Variants in NKAIN2 observed in about 807,000 individuals in gnomAD.
NKAIN2 encodes the protein sodium/potassium-transporting ATPase subunit beta-1-interacting protein 2.
Under a neutral mutation model 32.6 loss-of-function variants are expected in NKAIN2, and 14 were observed. The observed-to-expected ratio is 0.43, with a 90% confidence interval of 0.28 to 0.67. NKAIN2 has a LOEUF of 0.67. NKAIN2 is among the 30% of genes least tolerant of loss of function. NKAIN2 has a pLI of 0.17. For missense variants in NKAIN2, 198 were observed against 258.3 expected (o/e 0.77, Z 1.60); for synonymous variants, 80 against 87.2 (o/e 0.92, Z 0.46).
Position 124,822,132 on chromosome 6 carries a change from C to T in NKAIN2, c.618-1088C>T, listed in dbSNP as rs771597674. Among the ~76,000 whole-genome samples, 99 of 152,090 alleles carry T rather than the reference C, an allele frequency of 6.5e-4. 2 individuals carry two copies. Among genetic ancestry groups the T allele is most frequent in the Non-Finnish European group, 1.2e-3 (83 of 68,016 alleles). On this transcript the variant is annotated intron_variant, in intron 6 of 6. Transcript: ENST00000368417. ...TTTATTTCTTTTTTATTTTACATTA[C>T]GCACTGTTAAATGAAGGGCCTTTTC...
chr6:123,943,988 A>G (rs943701646), intron 1 of NKAIN2, among the ~76,000 whole-genome samples: 1 of 152,022 alleles, frequency 6.6e-6, no homozygotes, highest in Non-Finnish European at 1.5e-5. Flanking sequence ...GAAATTTTAG[A>G]TAAATATTAT....
intron 1 of NKAIN2, among the ~76,000 whole-genome samples, chr6:124,165,416 T>C (rs908642169): frequency 9.2e-5 from 14 of 152,044 alleles, no homozygotes; most frequent in Non-Finnish European, 1.8e-4. Flanking sequence ...TTCAATTTCC[T>C]TTTTTGCTAT....
At chr6:124,411,925 T>C (rs1774205537) in intron 3 of NKAIN2, among the ~76,000 whole-genome samples, 1 of 152,200 alleles carries the variant, frequency 6.6e-6, no homozygotes, top group South Asian at 2.1e-4. Flanking sequence ...CTTCATTTCA[T>C]TCATTTTGTC....
At chr6:124,747,548 G>A (rs1777501511) in intron 4 of NKAIN2, among the ~76,000 whole-genome samples, 1 of 151,894 alleles carries the variant, frequency 6.6e-6, no homozygotes, top group South Asian at 2.1e-4. Context: ...AGCCAGAGCT[G>A]TAAACGTGCC....
intron 1 of NKAIN2, among the ~76,000 whole-genome samples, chr6:124,038,164 A>G (rs1168355611): frequency 6.6e-6 from 1 of 152,152 alleles, no homozygotes; most frequent in African/African-American, 2.4e-5. Flanking sequence ...CATGACCACA[A>G]AATTCACACT....
chr6:124,558,531 G>A (rs1257266928), intron 3 of NKAIN2, among the ~76,000 whole-genome samples: 1 of 152,108 alleles, frequency 6.6e-6, no homozygotes, highest in Non-Finnish European at 1.5e-5. Flanking sequence ...TAACACTCCT[G>A]GCCATTTGTA....
intron 3 of NKAIN2, among the ~76,000 whole-genome samples, chr6:124,604,245 C>A (rs1008141275): frequency 1.3e-5 from 2 of 151,954 alleles, no homozygotes; most frequent in African/African-American, 2.4e-5. Flanking sequence ...ATACACACTA[C>A]ATTTTAAATT....
At chr6:124,585,116 C>T (rs986782479) in intron 3 of NKAIN2, among the ~76,000 whole-genome samples, 3 of 152,158 alleles carry the variant, frequency 2.0e-5, no homozygotes, top group Non-Finnish European at 4.4e-5. Flanking sequence ...CGATGGAGTA[C>T]TGTTCAGCCA....
chr6:124,794,498 C>G (rs759094690), intron 5 of NKAIN2, among the ~76,000 whole-genome samples: 2 of 152,154 alleles, frequency 1.3e-5, no homozygotes, highest in Admixed American at 6.5e-5. Context: ...TTATGTGTAT[C>G]TTGACCACAC....
At chr6:124,332,404 TA>T (rs1797701189) in intron 2 of NKAIN2, among the ~76,000 whole-genome samples, 2 of 152,074 alleles carry the variant, frequency 1.3e-5, no homozygotes, top group Non-Finnish European at 2.9e-5. Flanking sequence ...ATTCAAAGAG[TA>T]TTTTAGTACT....
chr6:124,156,571 T>G (rs1409876305), intron 1 of NKAIN2, among the ~76,000 whole-genome samples: 3 of 151,550 alleles, frequency 2.0e-5, no homozygotes, highest in Non-Finnish European at 2.9e-5. Context: ...AAACATAGAG[T>G]GGGAGGATCA....
In NKAIN2 at chr6:124,750,192, T is replaced by C. The variant is rs553954407; in HGVS notation, c.475-41147T>C. On this transcript the variant is annotated intron_variant, in intron 4 of 6. Coordinates refer to ENST00000368417, the MANE Select transcript of NKAIN2 (RefSeq NM_001040214.3). ...AAAGCGTATAACACAACGTCTGTCA[T>C]ATGATGGACATTTACTAAATGTTAG... Among the ~76,000 whole-genome samples the C allele has an allele frequency of 8.6e-5, 13 of 152,018 alleles. 1 individual carries two copies. The South Asian group carries it at 2.7e-3, about 31-fold the overall frequency.
chr6:124,031,925 A>G (rs1017171321), intron 1 of NKAIN2, among the ~76,000 whole-genome samples: 2 of 152,122 alleles, frequency 1.3e-5, no homozygotes, highest in Non-Finnish European at 2.9e-5. Flanking sequence ...TATATACCCA[A>G]AGGCTTATAA....
chr6:124,149,225 T>A (rs1351743391), intron 1 of NKAIN2, among the ~76,000 whole-genome samples: 1 of 152,186 alleles, frequency 6.6e-6, no homozygotes, highest in African/African-American at 2.4e-5. Flanking sequence ...GGCAGATAGG[T>A]GATTTGCAAA....
intron 4 of NKAIN2, among the ~76,000 whole-genome samples, chr6:124,790,235 C>T (rs1180631263): frequency 6.6e-6 from 1 of 152,048 alleles, no homozygotes; most frequent in Non-Finnish European, 1.5e-5. Flanking sequence ...TCATTAAATA[C>T]CTATTAGTGT....
At chr6:123,948,596 G>GGTT (rs1582826747) in intron 1 of NKAIN2, among the ~76,000 whole-genome samples, 1 of 93,246 alleles carries the variant, frequency 1.1e-5, no homozygotes, top group Non-Finnish European at 2.1e-5. Flanking sequence ...TCTTAAATGG[G>GGTT]ATTTTTTTTT....
At chr6:124,252,116 A>G (rs1793716073) in intron 1 of NKAIN2, among the ~76,000 whole-genome samples, 1 of 152,092 alleles carries the variant, frequency 6.6e-6, no homozygotes, top group Non-Finnish European at 1.5e-5. Flanking sequence ...GCATGTGTGC[A>G]GGTATGTGCT....
chr6:124,111,614 A>G (rs906568072), intron 1 of NKAIN2, among the ~76,000 whole-genome samples: 3 of 151,926 alleles, frequency 2.0e-5, no homozygotes, highest in Non-Finnish European at 4.4e-5. Flanking sequence ...TCTTTTTTTT[A>G]ATCTGTTCAG....
chr6:124,320,103 T>G (rs1016162144), intron 2 of NKAIN2, among the ~76,000 whole-genome samples: 1 of 152,156 alleles, frequency 6.6e-6, no homozygotes, highest in African/African-American at 2.4e-5. Flanking sequence ...GCTTGCTCTT[T>G]TGTGAAATAT....
Sources: allele counts gnomAD v4.1 joint callset (sites outside exome capture counted in the v4.1 genomes callset), GRCh38; gene constraint gnomAD v4.1.1; transcripts MANE v1.5; gene names NCBI Gene and HGNC (gene_info 2026-07-23, HGNC 2026-07-21).